TACR1: variants seen among roughly 807,000 people sequenced by gnomAD.
TACR1 encodes the protein substance-P receptor.
Under a neutral mutation model 35.8 loss-of-function variants are expected in TACR1, and 25 were observed. The ratio of observed to expected loss-of-function variants is 0.70; its 90% confidence interval spans 0.51 to 0.98. TACR1 has a LOEUF of 0.98. Ranked by LOEUF, TACR1 falls within the 50% of genes least tolerant of loss-of-function variation. The probability of loss-of-function intolerance (pLI) is 0.00; values close to 1 mark genes in which losing one functional copy is unlikely to be tolerated. For missense variants in TACR1, 478 were observed against 522.9 expected, an observed-to-expected ratio of 0.91 and a Z score of 0.84; for synonymous variants, 195 against 206.7, an observed-to-expected ratio of 0.94 and a Z score of 0.48.
At chr2:75,131,565 TAAG>T (rs374409611) in intron 1 of TACR1, among the ~76,000 whole-genome samples, 26 of 152,306 alleles carry the variant, frequency 1.7e-4, no homozygotes, top group African/African-American at 6.0e-4. Context: ...CTTACTAAAT[TAAG>T]AAACCCATGG....
At chr2:75,175,374 A>G (rs1402114788) in intron 1 of TACR1, among the ~76,000 whole-genome samples, 1 of 152,224 alleles carries the variant, frequency 6.6e-6, no homozygotes, top group East Asian at 1.9e-4. Context: ...CTCTGATTTT[A>G]ATATAAATAA....
intron 2 of TACR1, among the ~76,000 whole-genome samples, chr2:75,085,694 G>T (rs1673176227): frequency 6.6e-6 from 1 of 152,016 alleles, no homozygotes; most frequent in African/African-American, 2.4e-5. Flanking sequence ...GATAATGAGG[G>T]TAATAACGGT....
In TACR1 at chr2:75,118,373, G is replaced by A. The variant is rs180986937; in HGVS notation, c.584+2201C>T. Among the ~76,000 whole-genome samples, 118 of 152,254 alleles carry A rather than the reference G, an allele frequency of 7.8e-4. 2 individuals are homozygous for A. In the East Asian group the frequency reaches 0.016, roughly 20 times the overall value. ...ATAAACATGTTACACTTCATGAATA[G>A]ATAACATTAGATGCTCTTAAGCCAA... On this transcript the variant is annotated intron_variant, in intron 2 of 4. Transcript: ENST00000305249.
chr2:75,064,957 G>T (rs1277803533), intron 2 of TACR1, among the ~76,000 whole-genome samples: 1 of 152,188 alleles, frequency 6.6e-6, no homozygotes, highest in Non-Finnish European at 1.5e-5. Flanking sequence ...CCTGCCTCAG[G>T]CAGCAGGGAG....
rs199619032 is a variant in TACR1 at position 75,049,687 on chromosome 2, G to T, written c.969C>A (p.Cys323Ter). 6.2e-7 allele frequency: 1 copy of T among 1,614,106 alleles called. No individual in the cohort carries two copies. The highest frequency in any genetic ancestry group is 1.1e-5 in the South Asian group (1 of 91,078). ...CATAGTCGCCGGCGCTGATGAAGGG[G>T]CAGCACCGGAAGGCATGCTTGAAGC... ...RLGFKHAFRC[C>*]PFISAGDYEG... The change falls in exon 5 of 5, where the codon TGC becomes TGA. Residue 323 changes from cysteine to a stop codon, truncating the protein, a stop_gained. Transcript: ENST00000305249. LOFTEE classifies it high-confidence loss of function.
At chr2:75,094,914 T>A (rs754328835) in intron 2 of TACR1, among the ~76,000 whole-genome samples, 72 of 147,600 alleles carry the variant, frequency 4.9e-4, no homozygotes, top group Non-Finnish European at 9.5e-4. Context: ...ATGACTGGAA[T>A]CATTCAGATT....
At chr2:75,070,233 A>ATGTG (rs758460934) in intron 2 of TACR1, among the ~76,000 whole-genome samples, 30 of 90,136 alleles carry the variant, frequency 3.3e-4, no homozygotes, top group Middle Eastern at 4.6e-3. Context: ...GTGTGTGTGT[A>ATGTG]TGTGTGTGTG....
At chr2:75,055,813 C>T (rs1281290099) in intron 2 of TACR1, among the ~76,000 whole-genome samples, 4 of 152,174 alleles carry the variant, frequency 2.6e-5, no homozygotes, top group Non-Finnish European at 5.9e-5. Context: ...GGGCTGGGTC[C>T]CACCCAGAGT....
chr2:75,078,747 G>C (rs745613580), intron 2 of TACR1, among the ~76,000 whole-genome samples: 53 of 151,768 alleles, frequency 3.5e-4, no homozygotes, highest in Non-Finnish European at 2.1e-4. Context: ...AATTCTAAGT[G>C]GTTTTCAAAC....
intron 1 of TACR1, among the ~76,000 whole-genome samples, chr2:75,140,177 C>T (rs1352990892): frequency 6.6e-6 from 1 of 152,028 alleles, no homozygotes; most frequent in East Asian, 1.9e-4. Flanking sequence ...TCAAAGTAGC[C>T]TCCTTTCCTT....
chr2:75,083,862 T>TCATCTGCA (rs1319729476), intron 2 of TACR1, among the ~76,000 whole-genome samples: 1 of 152,182 alleles, frequency 6.6e-6, no homozygotes, highest in East Asian at 1.9e-4. Context: ...TACAATCATG[T>TCATCTGCA]CATCTGCAAA....
At chr2:75,124,044 T>G (rs1280910967) in intron 1 of TACR1, among the ~76,000 whole-genome samples, 1 of 152,164 alleles carries the variant, frequency 6.6e-6, no homozygotes. Flanking sequence ...GTCTTTCTGG[T>G]GTAAGCATTA....
At chr2:75,054,636 T>C (rs748548512) in intron 2 of TACR1, among the ~76,000 whole-genome samples, 40 of 152,196 alleles carry the variant, frequency 2.6e-4, no homozygotes, top group Non-Finnish European at 4.9e-4. Flanking sequence ...ATAAGGTTTT[T>C]GAATTTTGGG....
rs549385522 is a variant in TACR1, at chr2:75,086,014, A to T, written c.585-32259T>A. 9.2e-4 allele frequency among the ~76,000 whole-genome samples: 140 copies of T among 152,346 alleles called. 1 individual carries two copies. Among genetic ancestry groups the T allele is most frequent in the Non-Finnish European group, 1.6e-3 (111 of 68,030 alleles). On this transcript the variant is annotated intron_variant, in intron 2 of 4. Transcript: ENST00000305249. ...TAATAGTTTCTGGAGTATTAGTTTCATGTTCTTAGAAGTTCCCAGAGATCA... is the reference window on the plus strand; with the variant it reads ...TAATAGTTTCTGGAGTATTAGTTTCTTGTTCTTAGAAGTTCCCAGAGATCA...
intron 2 of TACR1, among the ~76,000 whole-genome samples, chr2:75,110,785 C>A (rs1673734706): frequency 6.6e-6 from 1 of 151,894 alleles, no homozygotes; most frequent in Non-Finnish European, 1.5e-5. Context: ...TTTTACAGCT[C>A]TATAAACCAT....
In TACR1 at chr2:75,053,091, G is replaced by T. The variant is rs575320455; in HGVS notation, c.735+514C>A. On this transcript the variant is annotated intron_variant, in intron 3 of 4. Coordinates refer to ENST00000305249, the MANE Select transcript of TACR1 (RefSeq NM_001058.4). Reference sequence around the variant, plus strand: ...ATAGATTTATGAAATTTCATCACAGGTATAGATGAAAACACCACCACAGTC... The same window carrying T: ...ATAGATTTATGAAATTTCATCACAGTTATAGATGAAAACACCACCACAGTC... Among the ~76,000 whole-genome samples, 11 of 152,036 alleles carry T rather than the reference G, an allele frequency of 7.2e-5. No homozygotes were observed. In the South Asian group the frequency reaches 2.1e-3, roughly 29 times the overall value.
chr2:75,196,983 T>C (rs1018722661), intron 1 of TACR1, among the ~76,000 whole-genome samples: 1 of 152,216 alleles, frequency 6.6e-6, no homozygotes, highest in Non-Finnish European at 1.5e-5. Context: ...GAAGCTGTTA[T>C]GAGATTAAAG....
intron 2 of TACR1, among the ~76,000 whole-genome samples, chr2:75,119,846 G>T (rs1043622387): frequency 6.6e-6 from 1 of 152,196 alleles, no homozygotes. Flanking sequence ...ATTTTCAAGT[G>T]CAAGTACCTT....
chr2:75,106,969 T>G (rs757031793), intron 2 of TACR1, among the ~76,000 whole-genome samples: 10 of 151,734 alleles, frequency 6.6e-5, no homozygotes, highest in Non-Finnish European at 1.3e-4. Flanking sequence ...AAAAGAATCT[T>G]AAGTTATGAA....
Sources: allele counts gnomAD v4.1 joint callset (sites outside exome capture counted in the v4.1 genomes callset), GRCh38; gene constraint gnomAD v4.1.1; transcripts MANE v1.5; gene names NCBI Gene and HGNC (gene_info 2026-07-23, HGNC 2026-07-21).